The following RPS6KC1 variants were observed in gnomAD, a reference collection of about 807,000 sequenced individuals.
RPS6KC1 encodes the protein inactive ribosomal protein S6 kinase delta-1.
Under a neutral mutation model 103.8 loss-of-function variants are expected in RPS6KC1, and 54 were observed. That is an observed-to-expected ratio of 0.52 (90% CI 0.42 to 0.65). RPS6KC1 has a LOEUF of 0.65. Ranked by LOEUF, RPS6KC1 falls within the 30% of genes least tolerant of loss-of-function variation. RPS6KC1 has a pLI of 0.00. For synonymous variants in RPS6KC1, 439 were observed against 438.7 expected, an observed-to-expected ratio of 1.00 and a Z score of -0.01; for missense variants, 1,151 against 1,253.8, an observed-to-expected ratio of 0.92 and a Z score of 1.24.
chr1:213,370,167 T>G, the RPS6KC1 span, among the ~76,000 whole-genome samples: 3 of 152,192 alleles, frequency 2.0e-5, no homozygotes, highest in Non-Finnish European at 2.9e-5. Context: ...TCTTACCTCC[T>G]TCTCAGGGGT....
intron 5 of RPS6KC1, among the ~76,000 whole-genome samples, chr1:213,128,918 A>T (rs1229036783): frequency 6.6e-6 from 1 of 152,188 alleles, no homozygotes; most frequent in African/African-American, 2.4e-5. Flanking sequence ...ATTATGCTTT[A>T]TATGCATTAA....
chr1:213,849,563 A>AT, the RPS6KC1 span, among the ~76,000 whole-genome samples: 2 of 152,010 alleles, frequency 1.3e-5, no homozygotes, highest in African/African-American at 2.4e-5. Flanking sequence ...TCCCTCATTC[A>AT]TTTTTTCAAA....
At chr1:213,767,246 G>T in the RPS6KC1 span, among the ~76,000 whole-genome samples, 1 of 152,156 alleles carries the variant, frequency 6.6e-6, no homozygotes, top group Non-Finnish European at 1.5e-5. Context: ...GTCACTTAAG[G>T]CCTATCAAAA....
the RPS6KC1 span, among the ~76,000 whole-genome samples, chr1:213,468,742 A>T: frequency 1.3e-5 from 2 of 152,192 alleles, no homozygotes; most frequent in Non-Finnish European, 2.9e-5. Context: ...AAAAGAAGCA[A>T]ACAGGCAAAC....
the RPS6KC1 span, among the ~76,000 whole-genome samples, chr1:213,548,584 C>T: frequency 6.6e-6 from 1 of 152,170 alleles, no homozygotes; most frequent in African/African-American, 2.4e-5. Context: ...TCGCTTGAAC[C>T]TGGGAGGCAG....
At chr1:213,661,631 C>T in the RPS6KC1 span, among the ~76,000 whole-genome samples, 1 of 152,144 alleles carries the variant, frequency 6.6e-6, no homozygotes, top group Non-Finnish European at 1.5e-5. Flanking sequence ...AGTACATGAA[C>T]TGAGTTCTGT....
the RPS6KC1 span, among the ~76,000 whole-genome samples, chr1:213,300,012 C>G: frequency 6.6e-6 from 1 of 151,960 alleles, no homozygotes; most frequent in Non-Finnish European, 1.5e-5. Flanking sequence ...TCACCGTGTT[C>G]GCCAGGATAG....
At chr1:213,316,032 A>G in the RPS6KC1 span, among the ~76,000 whole-genome samples, 13 of 152,242 alleles carry the variant, frequency 8.5e-5, no homozygotes, top group Non-Finnish European at 1.6e-4. Context: ...TACCCACACA[A>G]ATCTCATCTG....
the RPS6KC1 span, among the ~76,000 whole-genome samples, chr1:213,706,521 C>T: frequency 1.4e-4 from 21 of 152,070 alleles, 1 homozygote; most frequent in Non-Finnish European, 7.4e-5. Context: ...GTAGTTAAAA[C>T]CAGATACTTT....
chr1:213,383,866 T>C, the RPS6KC1 span, among the ~76,000 whole-genome samples: 1 of 152,144 alleles, frequency 6.6e-6, no homozygotes, highest in African/African-American at 2.4e-5. Context: ...GGCACCTTGA[T>C]CTTGGACTTC....
At chr1:213,236,322 C>T (rs1267118574) in intron 10 of RPS6KC1, among the ~76,000 whole-genome samples, 6 of 152,084 alleles carry the variant, frequency 3.9e-5, no homozygotes, top group Non-Finnish European at 7.4e-5. Flanking sequence ...GAAGGTAGAA[C>T]GGCATGATTC....
intron 7 of RPS6KC1, among the ~76,000 whole-genome samples, chr1:213,169,490 C>G (rs1468899034): frequency 2.6e-5 from 4 of 152,094 alleles, no homozygotes; most frequent in Non-Finnish European, 5.9e-5. Context: ...TAATCTTATC[C>G]TATTCTCTAT....
intron 6 of RPS6KC1, among the ~76,000 whole-genome samples, chr1:213,149,648 A>G (rs1428680553): frequency 6.6e-6 from 1 of 152,226 alleles, no homozygotes. Context: ...TCCTGTAAAT[A>G]TCTATTAGAT....
At chr1:213,428,769 C>CAG in the RPS6KC1 span, 1 of 151,952 alleles carries the variant, frequency 6.6e-6, no homozygotes, top group Non-Finnish European at 1.5e-5. Flanking sequence ...AACCAACACA[C>CAG]AGAGCTTGTT....
intron 6 of RPS6KC1, among the ~76,000 whole-genome samples, chr1:213,149,838 CA>C (rs2088426439): frequency 6.6e-6 from 1 of 152,212 alleles, no homozygotes; most frequent in Non-Finnish European, 1.5e-5. Flanking sequence ...GGGTTAGGTG[CA>C]AATATATTTA....
At chr1:213,070,774 C>G (rs1043176996) in intron 1 of RPS6KC1, among the ~76,000 whole-genome samples, 4 of 152,086 alleles carry the variant, frequency 2.6e-5, no homozygotes, top group African/African-American at 7.2e-5. Context: ...ACTTTTAGGC[C>G]AAACTTAAAA....
chr1:213,580,716 C>T, the RPS6KC1 span, among the ~76,000 whole-genome samples: 477 of 152,132 alleles, frequency 3.1e-3, 5 homozygotes, highest in African/African-American at 0.011. Context: ...AGACCCTCTA[C>T]CAGTGAAAAG....
chr1:213,709,184 C>CT, the RPS6KC1 span, among the ~76,000 whole-genome samples: 4 of 152,142 alleles, frequency 2.6e-5, 1 homozygote, highest in Admixed American at 1.3e-4. Context: ...TGGTCCTGGG[C>CT]TTTTTTTGGT....
chr1:213,375,777 G>T, the RPS6KC1 span, among the ~76,000 whole-genome samples: 1 of 152,140 alleles, frequency 6.6e-6, no homozygotes. Context: ...CCTATGTTTT[G>T]TCAGGACACT....
Sources: allele counts gnomAD v4.1 joint callset (sites outside exome capture counted in the v4.1 genomes callset), GRCh38; gene constraint gnomAD v4.1.1; transcripts MANE v1.5; gene names NCBI Gene and HGNC (gene_info 2026-07-23, HGNC 2026-07-21).